Variants in CKAP5 observed in about 807,000 individuals in gnomAD.
CKAP5 encodes cytoskeleton-associated protein 5.
In CKAP5, 27 loss-of-function variants were observed where a neutral mutation model predicts 232.8. That is an observed-to-expected ratio of 0.12 (90% CI 0.09 to 0.16). CKAP5 has a LOEUF of 0.16. CKAP5 is among the 10% of genes least tolerant of loss of function. CKAP5 has a pLI of 1.00. For synonymous variants in CKAP5, 785 were observed against 841.1 expected (o/e 0.93, Z 1.16); for missense variants, 1,838 against 2,424.7 (o/e 0.76, Z 5.08).
chr11:46,790,841 G>A (rs1421092987), intron 13 of CKAP5, among the ~76,000 whole-genome samples: 1 of 151,964 alleles, frequency 6.6e-6, no homozygotes, highest in East Asian at 1.9e-4. Flanking sequence ...TGTAGAGACA[G>A]GATTTTGCCA....
chr11:46,807,052 T>C (rs1939171963), intron 8 of CKAP5, among the ~76,000 whole-genome samples: 1 of 152,200 alleles, frequency 6.6e-6, no homozygotes. Flanking sequence ...TGATGTACCT[T>C]AGGGAGAAAA....
chr11:46,844,018 C>A (rs1318041281), intron 1 of CKAP5, among the ~76,000 whole-genome samples: 1 of 151,780 alleles, frequency 6.6e-6, no homozygotes, highest in Non-Finnish European at 1.5e-5. Context: ...GTCAGGAGTT[C>A]GAGACCAGCC....
At position 46,753,346 on chromosome 11, in the gene CKAP5, T is replaced by C. The variant is rs768792551; in HGVS notation, c.5021A>G (p.Lys1674Arg). 6.2e-7 allele frequency: 1 copy of C among 1,613,130 alleles called. No homozygotes were observed. The highest frequency in any genetic ancestry group is 8.5e-7 in the Non-Finnish European group (1 of 1,179,696). Residue 1674 changes from lysine to arginine, a missense_variant, in exon 37 of 44, where the codon AAG (lysine) becomes AGG (arginine). This residue lies in a region of CKAP5 where 579 missense variants were observed against 843.2 expected (regional missense o/e 0.69). Coordinates refer to ENST00000529230, the MANE Select transcript of CKAP5 (RefSeq NM_001008938.4). ...GGTCTGGTCTGACTTCTCCAGAACC[T>C]TCACCACCAAGAGGTTCACAGAGCG... ...VIRSVNLLVV[K>R]VLEKSDQTNI...
intron 33 of CKAP5, chr11:46,760,270 C>G: frequency 5.2e-6 from 2 of 385,720 alleles, no homozygotes; most frequent in Non-Finnish European, 1.0e-5. Flanking sequence ...AAGCTAGTCA[C>G]CCTCCAGAGG....
intron 1 of CKAP5, among the ~76,000 whole-genome samples, chr11:46,826,209 A>G (rs1186377425): frequency 6.6e-6 from 1 of 152,178 alleles, no homozygotes; most frequent in Non-Finnish European, 1.5e-5. Flanking sequence ...TATCAGGAGG[A>G]AAGGTTAACT....
chr11:46,812,299 C>G (rs925554588), intron 4 of CKAP5, among the ~76,000 whole-genome samples: 10 of 151,974 alleles, frequency 6.6e-5, no homozygotes, highest in African/African-American at 1.9e-4. Context: ...CCACTGCACT[C>G]CATCCAGCCT....
intron 1 of CKAP5, among the ~76,000 whole-genome samples, chr11:46,830,164 G>A (rs142004428): frequency 2.2e-3 from 340 of 151,994 alleles, no homozygotes; most frequent in African/African-American, 7.8e-3. Context: ...AGAGTAGGCC[G>A]GGCACGGTGG....
At chr11:46,808,212 A>C in intron 7 of CKAP5, 68 bp from the exon 8 acceptor site, 1 of 1,010,796 alleles carries the variant, frequency 9.9e-7, no homozygotes, top group South Asian at 1.4e-5. Flanking sequence ...TATTTATTGC[A>C]CTCTGCTAAT....
chr11:46,771,072 G>T, intron 24 of CKAP5, 90 bp from the exon 25 acceptor site: 4 of 1,105,068 alleles, frequency 3.6e-6, no homozygotes, highest in Non-Finnish European at 5.2e-6. Flanking sequence ...TTAGTCTCAA[G>T]CACTGAATTA....
chr11:46,756,058 A>C (rs2065108834), intron 35 of CKAP5, among the ~76,000 whole-genome samples: 1 of 152,246 alleles, frequency 6.6e-6, no homozygotes, highest in Non-Finnish European at 1.5e-5. Context: ...GAAAGATCAG[A>C]CTACTGGTCC....
In CKAP5 at chr11:46,752,680, C is replaced by T; in HGVS notation, c.5088G>A (p.Leu1696=). Residue 1696 remains leucine (L), a synonymous_variant, in exon 38 of 44, where the codon CTG becomes CTA. Transcript: ENST00000529230. ...SALLVLLQDS[L]LATASSPKFS... is the part of the protein sequence containing the mutation. The stretch of plus-strand genomic sequence containing the variant: ...ATTTGGGAGAACTGGCTGTTGCTAG[C>T]AGGCTGTCTTGGAGCAAAACAAGTA... 5.0e-6 allele frequency: 8 copies of T among 1,612,970 alleles called. No homozygotes were observed. The highest frequency in any genetic ancestry group is 6.8e-6 in the Non-Finnish European group (8 of 1,179,278).
chr11:46,783,432 C>T (rs2065359645), intron 17 of CKAP5, 64 bp from the exon 18 acceptor site: 1 of 1,022,008 alleles, frequency 9.8e-7, no homozygotes, highest in South Asian at 1.4e-5. Flanking sequence ...TACAGCATGA[C>T]ATTAAGGCAG....
chr11:46,770,896 G>A lies in CKAP5; in HGVS notation c.3078C>T (p.Cys1026=), dbSNP rs2065241681. ...GCACATCTCCATTTCGATCTTCTAG[G>A]CAGGAGTAGAGATGAGGAACACAAA... ...LILCVPHLYS[C]LEDRNGDVRK... The change falls in exon 25 of 44, where the codon TGC becomes TGT. Residue 1026 remains cysteine, a synonymous_variant. Coordinates refer to ENST00000529230, the MANE Select transcript of CKAP5 (RefSeq NM_001008938.4). 6.2e-7 allele frequency: 1 copy of A among 1,614,104 alleles called. No individual in the cohort carries two copies. The highest frequency in any genetic ancestry group is 8.5e-7 in the Non-Finnish European group (1 of 1,180,004).
At chr11:46,839,638 G>C (rs1165978704) in intron 1 of CKAP5, among the ~76,000 whole-genome samples, 3 of 152,068 alleles carry the variant, frequency 2.0e-5, no homozygotes, top group Non-Finnish European at 4.4e-5. Context: ...AAGGGGCTGG[G>C]GGAATTCTAC....
chr11:46,776,417 C>G (rs1327375286), intron 23 of CKAP5, 34 bp from the exon 24 acceptor site: 1 of 1,582,088 alleles, frequency 6.3e-7, no homozygotes, highest in Non-Finnish European at 8.6e-7. Flanking sequence ...AAAATAATAT[C>G]TACTACAGTT....
intron 1 of CKAP5, among the ~76,000 whole-genome samples, chr11:46,843,815 T>C (rs2134729734): frequency 6.6e-6 from 1 of 152,088 alleles, no homozygotes; most frequent in East Asian, 1.9e-4. Flanking sequence ...CTCCTATATG[T>C]AAATGTGTTT....
chr11:46,746,669 C>T (rs1401130605), intron 42 of CKAP5, among the ~76,000 whole-genome samples: 4 of 152,186 alleles, frequency 2.6e-5, no homozygotes, highest in Admixed American at 2.0e-4. Context: ...AGGAATGGAG[C>T]TTGCAGGACT....
At chr11:46,811,270 A>G (rs946781022) in intron 4 of CKAP5, 92 bp from the exon 5 acceptor site, 8 of 1,003,806 alleles carry the variant, frequency 8.0e-6, no homozygotes, top group Non-Finnish European at 1.0e-5. Context: ...TTCCATATCT[A>G]CATATTAGAA....
At chr11:46,772,795 G>A (rs767450951) in intron 24 of CKAP5, among the ~76,000 whole-genome samples, 5 of 151,688 alleles carry the variant, frequency 3.3e-5, no homozygotes, top group Non-Finnish European at 7.4e-5. Context: ...AGGCTGGAGT[G>A]CAGTGGCACG....
Sources: gnomAD v4.1 joint callset for allele counts (sites outside exome capture counted in the v4.1 genomes callset) on GRCh38, gnomAD v4.1.1 for gene constraint, gnomAD v4.1.1 regional missense constraint, MANE v1.5 for transcripts, NCBI Gene and HGNC (gene_info 2026-07-23, HGNC 2026-07-21) for gene names.